The following DCC variants were observed in gnomAD, a reference collection of about 807,000 sequenced individuals.
The protein encoded by DCC is DCC netrin 1 receptor, also known as netrin receptor DCC.
In DCC, 58 loss-of-function variants were observed where a neutral mutation model predicts 172.5. That is an observed-to-expected ratio of 0.34 (90% CI 0.27 to 0.42). The LOEUF is 0.42. Ranked by LOEUF, DCC falls within the 10% of genes least tolerant of loss-of-function variation. DCC has a pLI of 1.00. For missense variants in DCC, 1,740 were observed against 1,791.0 expected, an observed-to-expected ratio of 0.97 and a Z score of 0.51; for synonymous variants, 709 against 644.5, an observed-to-expected ratio of 1.10 and a Z score of -1.52.
intron 5 of DCC, among the ~76,000 whole-genome samples, chr18:52,928,441 G>T (rs2040252925): frequency 6.6e-6 from 1 of 151,950 alleles, no homozygotes; most frequent in Non-Finnish European, 1.5e-5. Context: ...TAAAATAAAA[G>T]TTTAAAAAAT....
chr18:53,140,030 A>G (rs1209423599), intron 7 of DCC, among the ~76,000 whole-genome samples: 3 of 152,236 alleles, frequency 2.0e-5, no homozygotes, highest in Non-Finnish European at 2.9e-5. Context: ...AATATTTTGC[A>G]TGAATAAATG....
Position 53,318,394 on chromosome 18 carries a change from A to G in DCC, c.2054-3653A>G, listed in dbSNP as rs369593607. ...TTTGCCTTTCCTGAGGAGTTTTTTT[A>G]CCTCCAATTATGTGGTCAATTTTAG... On this transcript the variant is annotated intron_variant, in intron 13 of 28. Transcript: ENST00000442544. 2.9e-4 allele frequency among the ~76,000 whole-genome samples: 44 copies of G among 151,942 alleles called. No individual in the cohort carries two copies. In the South Asian group the frequency reaches 5.0e-3, roughly 17 times the overall value.
chr18:53,123,623 C>T lies in DCC; in HGVS notation c.1262-33733C>T, dbSNP rs188748936. On this transcript the variant is annotated intron_variant, in intron 7 of 28. Transcript: ENST00000442544. ...GTGTTTTTAAGTAGGAATGCTCTTT[C>T]TTGTGAAGTCATTTTCTGTTTTAGA... 5.0e-3 allele frequency among the ~76,000 whole-genome samples: 755 copies of T among 152,140 alleles called. 3 individuals are homozygous for T. The highest frequency in any genetic ancestry group is 7.9e-3 in the Non-Finnish European group (534 of 67,952).
At chr18:52,438,288 G>A (rs889843082) in intron 1 of DCC, among the ~76,000 whole-genome samples, 8 of 152,132 alleles carry the variant, frequency 5.3e-5, no homozygotes, top group Non-Finnish European at 1.0e-4. Flanking sequence ...TGAAAATCAA[G>A]GAATTCTGTC....
chr18:53,198,748 T>C (rs1568360536), intron 9 of DCC, among the ~76,000 whole-genome samples: 1 of 152,172 alleles, frequency 6.6e-6, no homozygotes, highest in Non-Finnish European at 1.5e-5. Context: ...TGTAATGAAA[T>C]ATTGAAATTT....
chr18:53,261,865 TTAGC>T (rs556713930), intron 12 of DCC, among the ~76,000 whole-genome samples: 158 of 152,162 alleles, frequency 1.0e-3, no homozygotes, highest in South Asian at 7.5e-3. Flanking sequence ...CTGGACTTCT[TTAGC>T]TAGTCTTCTT....
intron 3 of DCC, among the ~76,000 whole-genome samples, chr18:52,909,281 C>T (rs2039933871): frequency 6.6e-6 from 1 of 152,106 alleles, no homozygotes; most frequent in African/African-American, 2.4e-5. Context: ...TGCACATATA[C>T]AAACATCATA....
intron 2 of DCC, among the ~76,000 whole-genome samples, chr18:52,856,142 C>T (rs2039049341): frequency 6.6e-6 from 1 of 151,944 alleles, no homozygotes; most frequent in Non-Finnish European, 1.5e-5. Flanking sequence ...TAACACAACT[C>T]CTTGTTTAAA....
intron 1 of DCC, among the ~76,000 whole-genome samples, chr18:52,492,264 G>A (rs887987305): frequency 1.3e-5 from 2 of 151,914 alleles, no homozygotes; most frequent in African/African-American, 4.8e-5. Flanking sequence ...GACGATTCTC[G>A]AGAAGGAAAC....
intron 1 of DCC, among the ~76,000 whole-genome samples, chr18:52,612,633 T>C (rs1227320713): frequency 6.6e-6 from 1 of 152,202 alleles, no homozygotes; most frequent in Non-Finnish European, 1.5e-5. Flanking sequence ...TCTTGCTCTC[T>C]GGACTCTAGA....
intron 7 of DCC, among the ~76,000 whole-genome samples, chr18:53,094,399 A>G (rs201487883): frequency 1.3e-5 from 2 of 152,216 alleles, no homozygotes; most frequent in African/African-American, 2.4e-5. Context: ...AGCTACAAGT[A>G]TCATCTCCCT....
chr18:53,252,909 A>C (rs1232279725), intron 12 of DCC, among the ~76,000 whole-genome samples: 1 of 152,056 alleles, frequency 6.6e-6, no homozygotes, highest in Non-Finnish European at 1.5e-5. Flanking sequence ...GCTTTAACAA[A>C]ATAAGTTTAG....
chr18:52,466,292 A>T (rs1988783279), intron 1 of DCC, among the ~76,000 whole-genome samples: 1 of 152,212 alleles, frequency 6.6e-6, no homozygotes, highest in Admixed American at 6.5e-5. Context: ...TGGGTCTAAC[A>T]TAAAAATAGT....
chr18:53,362,496 G>T (rs2057958770), intron 15 of DCC, among the ~76,000 whole-genome samples: 1 of 152,138 alleles, frequency 6.6e-6, no homozygotes, highest in South Asian at 2.1e-4. Context: ...TCCTCCATCT[G>T]TCGAAGGAAC....
At chr18:52,362,306 C>T (rs1047816169) in intron 1 of DCC, among the ~76,000 whole-genome samples, 1 of 152,222 alleles carries the variant, frequency 6.6e-6, no homozygotes, top group African/African-American at 2.4e-5. Context: ...ACGGTTATGT[C>T]CCCCACTTGG....
At chr18:52,865,816 C>G (rs1273939345) in intron 2 of DCC, among the ~76,000 whole-genome samples, 1 of 152,046 alleles carries the variant, frequency 6.6e-6, no homozygotes, top group Non-Finnish European at 1.5e-5. Context: ...CAAACAGAGA[C>G]AACTTGGCTT....
intron 12 of DCC, among the ~76,000 whole-genome samples, chr18:53,273,761 A>G (rs1187115926): frequency 6.6e-6 from 1 of 150,902 alleles, no homozygotes; most frequent in East Asian, 1.9e-4. Context: ...AGTTATTTCA[A>G]TATGAATCTT....
intron 5 of DCC, among the ~76,000 whole-genome samples, chr18:53,016,517 G>A (rs536041980): frequency 2.6e-5 from 4 of 151,900 alleles, no homozygotes; most frequent in East Asian, 1.9e-4. Flanking sequence ...AACTGAAAAC[G>A]TCTGTTATGT....
chr18:53,114,673 A>G (rs1031134323), intron 7 of DCC, among the ~76,000 whole-genome samples: 5 of 151,538 alleles, frequency 3.3e-5, no homozygotes, highest in African/African-American at 1.2e-4. Context: ...TGGGTTATTG[A>G]CATGCAGATC....
Sources: allele counts gnomAD v4.1 joint callset (sites outside exome capture counted in the v4.1 genomes callset), GRCh38; gene constraint gnomAD v4.1.1; transcripts MANE v1.5; gene names NCBI Gene and HGNC (gene_info 2026-07-23, HGNC 2026-07-21).